ZNF44: variants seen among roughly 807,000 people sequenced by gnomAD.
ZNF44 encodes gonadotropin inducible transcription repressor-2.
ZNF44 carries 9 observed loss-of-function variants against 11.7 expected under a neutral mutation model. That is an observed-to-expected ratio of 0.77 (90% CI 0.46 to 1.35). The LOEUF is 1.35. ZNF44 is among the 40% of genes most tolerant of loss of function. The probability of loss-of-function intolerance (pLI) is 0.00; values close to 1 mark genes in which losing one functional copy is unlikely to be tolerated. For synonymous variants in ZNF44, 224 were observed against 242.7 expected (o/e 0.92, Z 0.72); for missense variants, 696 against 743.1 (o/e 0.94, Z 0.74).
chr19:12,269,276 G>A (rs1966887113), downstream of ZNF44, among the ~76,000 whole-genome samples: 1 of 152,182 alleles, frequency 6.6e-6, no homozygotes, highest in African/African-American at 2.4e-5. Flanking sequence ...TGTAATCCCA[G>A]CACTTTGGGA....
intron 1 of ZNF44, among the ~76,000 whole-genome samples, chr19:12,288,774 G>GTGTATATATATATATA (rs1555744587): frequency 1.3e-5 from 1 of 76,840 alleles, no homozygotes; most frequent in Non-Finnish European, 2.2e-5. Context: ...AAAAAAAAAT[G>GTGTATATATATATATA]TATATATATA....
downstream of ZNF44, among the ~76,000 whole-genome samples, chr19:12,266,897 G>A (rs964747041): frequency 1.3e-5 from 2 of 152,168 alleles, no homozygotes; most frequent in Non-Finnish European, 2.9e-5. Context: ...CTCAGAGCAG[G>A]AGGGGTGCCT....
downstream of ZNF44, among the ~76,000 whole-genome samples, chr19:12,268,145 G>GACACACACACAC (rs71166661): frequency 0.032 from 4,343 of 136,754 alleles, 203 homozygotes; most frequent in African/African-American, 0.1. Context: ...CACACACACA[G>GACACACACACAC]ACACACACAC....
chr19:12,276,232 ACTGT>A, intron 1 of ZNF44, 150 bp from the exon 2 acceptor site: 2 of 1,227,076 alleles, frequency 1.6e-6, no homozygotes, highest in Non-Finnish European at 2.3e-6. Flanking sequence ...GTCTGCACTC[ACTGT>A]CTGATGCTGG....
chr19:12,294,820 A>T lies in ZNF44; in HGVS notation c.-126T>A. The stretch of plus-strand genomic sequence containing the variant: ...GACAGAATACGGAACAGAGGTCACC[A>T]GGGTGAAGAGGCCACTAGCTCCTGG... On this transcript the variant is annotated 5_prime_UTR_variant, in exon 1 of 4. Coordinates refer to ENST00000355684, the MANE Select transcript of ZNF44 (RefSeq NM_016264.4). The T allele has an allele frequency of 9.0e-7, 1 of 1,108,490 alleles. No individual in the cohort carries two copies. Among genetic ancestry groups the T allele is most frequent in the Non-Finnish European group, 1.2e-6 (1 of 806,452 alleles). The allele number at this position is 1,108,490 out of a possible 1,614,324, so 68.7% of individuals were successfully genotyped here. A position where few individuals can be genotyped will look rare whatever the true frequency, so the allele number is the denominator to read the frequency against.
intron 5 of ZNF44, among the ~76,000 whole-genome samples, chr19:12,265,988 C>T (rs1917712136): frequency 6.6e-6 from 1 of 152,320 alleles, no homozygotes; most frequent in African/African-American, 2.4e-5. Flanking sequence ...TCCCATGGTC[C>T]CCGCACAATC....
chr19:12,228,153 A>ACC, intron 3 of ZNF44, among the ~76,000 whole-genome samples: 1 of 105,540 alleles, frequency 9.5e-6, no homozygotes, highest in African/African-American at 4.7e-5. Flanking sequence ...ACGTGCTTAA[A>ACC]CCTTCAAAAC....
At chr19:12,256,515 A>G (rs1220819888) in intron 5 of ZNF44, among the ~76,000 whole-genome samples, 1 of 152,048 alleles carries the variant, frequency 6.6e-6, no homozygotes, top group Non-Finnish European at 1.5e-5. Flanking sequence ...CTATTTCTTC[A>G]CTATGTCAGA....
chr19:12,291,684 A>T (rs145300033), intron 1 of ZNF44, among the ~76,000 whole-genome samples: 1 of 151,394 alleles, frequency 6.6e-6, no homozygotes, highest in African/African-American at 2.4e-5. Flanking sequence ...ATAGAGGGAG[A>T]CCATGTCTCA....
intron 1 of ZNF44, among the ~76,000 whole-genome samples, chr19:12,287,172 T>C (rs1967796524): frequency 6.6e-6 from 1 of 152,022 alleles, no homozygotes; most frequent in Non-Finnish European, 1.5e-5. Context: ...CATCCATCCC[T>C]GGAGCAACCC....
chr19:12,291,561 G>A (rs958368105), intron 1 of ZNF44, among the ~76,000 whole-genome samples: 1 of 151,992 alleles, frequency 6.6e-6, no homozygotes, highest in Non-Finnish European at 1.5e-5. Context: ...AGCCAGGTGT[G>A]GTGGCGCACG....
At chr19:12,246,780 G>T (rs995441567), downstream of ZNF44, among the ~76,000 whole-genome samples, 4 of 151,938 alleles carry the variant, frequency 2.6e-5, no homozygotes, top group Non-Finnish European at 5.9e-5. Flanking sequence ...AGTCCCAGCT[G>T]CTCAGGAAGC....
chr19:12,260,940 C>G (rs1162737033), intron 5 of ZNF44, among the ~76,000 whole-genome samples: 1 of 152,200 alleles, frequency 6.6e-6, no homozygotes, highest in Non-Finnish European at 1.5e-5. Context: ...TTGTTCACAG[C>G]ACCAACTGCT....
intron 5 of ZNF44, among the ~76,000 whole-genome samples, chr19:12,254,058 T>G (rs971301039): frequency 6.7e-6 from 1 of 149,598 alleles, no homozygotes; most frequent in Non-Finnish European, 1.5e-5. Flanking sequence ...ATGGAATCCT[T>G]CATCCAACTA....
intron 3 of ZNF44, among the ~76,000 whole-genome samples, chr19:12,228,846 CTT>C (rs1016211058): frequency 5.3e-5 from 8 of 152,200 alleles, no homozygotes; most frequent in Admixed American, 5.2e-4. Context: ...TAATGTTTCA[CTT>C]ATTAAAAAAT....
chr19:12,230,835 T>C (rs576571348), intron 2 of ZNF44, among the ~76,000 whole-genome samples: 1 of 152,254 alleles, frequency 6.6e-6, no homozygotes, highest in South Asian at 2.1e-4. Flanking sequence ...GAGTGTATAT[T>C]GGTTTTAGGG....
At chr19:12,229,276 A>C (rs1916056574) in intron 3 of ZNF44, among the ~76,000 whole-genome samples, 1 of 152,200 alleles carries the variant, frequency 6.6e-6, no homozygotes, top group South Asian at 2.1e-4. Flanking sequence ...CTAGGAAAAC[A>C]GTTTCCAGGG....
intron 5 of ZNF44, among the ~76,000 whole-genome samples, chr19:12,265,768 TAA>T (rs917601672): frequency 7.2e-5 from 11 of 152,208 alleles, no homozygotes; most frequent in Non-Finnish European, 1.6e-4. Context: ...AAATTAAATC[TAA>T]AAGACTAATC....
exon 8 of ZNF44, chr19:12,248,548 A>G: frequency 1.5e-6 from 2 of 1,291,052 alleles, no homozygotes; most frequent in African/African-American, 3.0e-5. Context: ...ACTTTTCCAC[A>G]TACACTGCTT....
Sources: allele counts gnomAD v4.1 joint callset (sites outside exome capture counted in the v4.1 genomes callset), GRCh38; gene constraint gnomAD v4.1.1; transcripts MANE v1.5; gene names NCBI Gene and HGNC (gene_info 2026-07-23, HGNC 2026-07-21).